THBS2: variants seen among roughly 807,000 people sequenced by gnomAD.
THBS2 encodes the protein thrombospondin 2.
In THBS2, 47 loss-of-function variants were observed where a neutral mutation model predicts 135.2. The ratio of observed to expected loss-of-function variants is 0.35; its 90% CI spans 0.28 to 0.44. The LOEUF (loss-of-function observed/expected upper bound fraction) is 0.44, where lower values mean the gene tolerates loss of function less well. Among genes scored for constraint, THBS2 ranks in the 20% least tolerant of loss-of-function variants. The probability of loss-of-function intolerance (pLI) is 1.00; values close to 1 mark genes in which losing one functional copy is unlikely to be tolerated. For missense variants in THBS2, 1,288 were observed against 1,603.1 expected, an observed-to-expected ratio of 0.80 and a Z score of 3.36; for synonymous variants, 639 against 633.8, an observed-to-expected ratio of 1.01 and a Z score of -0.12.
intron 9 of THBS2, among the ~76,000 whole-genome samples, chr6:169,236,079 A>C: frequency 1.2e-5 from 1 of 85,502 alleles, no homozygotes; most frequent in Admixed American, 1.2e-4. Flanking sequence ...CTCACCATCC[A>C]CACTCACTCC....
chr6:169,228,906 CAAAA>C (rs535971273), intron 14 of THBS2, among the ~76,000 whole-genome samples: 5 of 112,884 alleles, frequency 4.4e-5, no homozygotes, highest in South Asian at 2.7e-4. Context: ...CCTGAGCGAC[CAAAA>C]AAAAAAAAAA....
chr6:169,230,889 G>C (rs1779806796), intron 13 of THBS2, among the ~76,000 whole-genome samples: 1 of 152,118 alleles, frequency 6.6e-6, no homozygotes, highest in Non-Finnish European at 1.5e-5. Context: ...GGGACTGACA[G>C]AGAAAATTAA....
At position 169,237,528 on chromosome 6, in the gene THBS2, C is replaced by T. The variant is rs1029427171; in HGVS notation, c.1300+97G>A. 7 of 1,564,506 alleles carry T rather than the reference C, an allele frequency of 4.5e-6. No individual in the cohort carries two copies. The East Asian group carries it at 9.0e-5, about 20-fold the overall frequency. ...GAATCCTTGCAAAGGCCCAGCACCT[C>T]GTGAGGGCAGCTCTGTCCCTTGCAA... On this transcript the variant is annotated intron_variant, in intron 8 of 21. Coordinates refer to ENST00000617924, the MANE Select transcript of THBS2 (RefSeq NM_003247.5).
Position 169,217,754 on chromosome 6 carries a change from A to C in THBS2, c.*68T>G. 1 of 1,567,860 alleles carries C rather than the reference A, an allele frequency of 6.4e-7. No homozygotes were observed. The highest frequency in any genetic ancestry group is 8.7e-7 in the Non-Finnish European group (1 of 1,148,450). ...GCTAGAGAGAGAAGCCACAAGGACC[A>C]CAATGAACTGAGGTGTCTAGGGACC... On this transcript the variant is annotated 3_prime_UTR_variant, in exon 22 of 22. Transcript: ENST00000617924.
At position 169,232,064 on chromosome 6, in the gene THBS2, G is replaced by A. The variant is rs1401540009; in HGVS notation, c.2067C>T (p.Leu689=). 6.2e-7 allele frequency: 1 copy of A among 1,614,112 alleles called. No homozygotes were observed. Among genetic ancestry groups the A allele is most frequent in the Non-Finnish European group, 8.5e-7 (1 of 1,179,970 alleles). ...ECQTGYAGDG[L]ICGEDSDLDG... ...CCAGGTCCGAGTCCTCCCCGCAGAT[G>A]AGCCCGTCGCCCGCGTAGCCTGTCT... Residue 689 remains leucine, a synonymous_variant, in exon 13 of 22, where the codon CTC becomes CTT. Transcript: ENST00000617924.
intron 16 of THBS2, among the ~76,000 whole-genome samples, chr6:169,225,830 G>T (rs1466137692): frequency 6.6e-6 from 1 of 152,224 alleles, no homozygotes; most frequent in Non-Finnish European, 1.5e-5. Flanking sequence ...AATGGGGAGA[G>T]AATTCTGTGA....
rs966027526 is a variant in THBS2 at position 169,228,553 on chromosome 6, G to A, written c.2260-272C>T. On this transcript the variant is annotated intron_variant, in intron 14 of 21. Coordinates refer to ENST00000617924, the MANE Select transcript of THBS2 (RefSeq NM_003247.5). ...TCCCAGCACTATGGGAGGCTGAGGCGGGCGGATCACCTGAGGTCAGGAGTT... is the reference window on the plus strand; with the variant it reads ...TCCCAGCACTATGGGAGGCTGAGGCAGGCGGATCACCTGAGGTCAGGAGTT... Among the ~76,000 whole-genome samples the A allele has an allele frequency of 4.6e-5, 7 of 151,294 alleles. No individual in the cohort carries two copies. The South Asian group carries it at 8.4e-4, about 18-fold the overall frequency.
intron 15 of THBS2, 99 bp from the exon 16 acceptor site, chr6:169,226,397 C>T (rs751942700): frequency 4.8e-5 from 38 of 788,998 alleles, no homozygotes; most frequent in Non-Finnish European, 8.1e-5. Context: ...AAATTGCTTA[C>T]AGCCACACTT....
chr6:169,239,501 C>T, intron 7 of THBS2, 98 bp downstream of exon 7: 7 of 1,170,366 alleles, frequency 6.0e-6, no homozygotes, highest in Non-Finnish European at 8.5e-6. Flanking sequence ...GGGGCTGAAC[C>T]TCACTCTTCT....
rs1780721268 is a variant in THBS2 at position 169,250,662 on chromosome 6, T to C, written c.52+71A>G. Reference sequence around the variant, plus strand: ...TTGTCCAACCACACACTTTATTTTGTCATCTCTCCCCTTGCAGCTAAGCCA... The same window carrying C: ...TTGTCCAACCACACACTTTATTTTGCCATCTCTCCCCTTGCAGCTAAGCCA... On this transcript the variant is annotated intron_variant, in intron 2 of 21. Transcript: ENST00000617924. 3 of 1,413,660 alleles carry C rather than the reference T, an allele frequency of 2.1e-6. No homozygotes were observed. The Admixed American group carries it at 5.9e-5, about 28-fold the overall frequency. The allele number at this position is 1,413,660 out of a possible 1,614,324, so 87.6% of individuals were successfully genotyped here. A position where few individuals can be genotyped will look rare whatever the true frequency, so the allele number is the denominator to read the frequency against.
chr6:169,243,394 C>T (rs148342110), intron 4 of THBS2, among the ~76,000 whole-genome samples: 1 of 152,252 alleles, frequency 6.6e-6, no homozygotes, highest in African/African-American at 2.4e-5. Flanking sequence ...TCACCTCACC[C>T]CCATGTAGGA....
intron 17 of THBS2, among the ~76,000 whole-genome samples, chr6:169,224,251 G>A (rs1192959846): frequency 2.0e-5 from 3 of 152,268 alleles, no homozygotes; most frequent in African/African-American, 7.2e-5. Flanking sequence ...TTGGTATCAG[G>A]GCATTCTGAA....
In THBS2 at chr6:169,246,177, A is replaced by AT. The variant is rs1286327865; in HGVS notation, c.694+19dup. 2 of 1,609,604 alleles carry AT rather than the reference A, an allele frequency of 1.2e-6. No individual in the cohort carries two copies. The highest frequency in any genetic ancestry group is 2.7e-5 in the African/African-American group (2 of 74,896). Reference sequence around the variant, plus strand: ...CCATCCAAGCCAGTATATAAAATGCATTTTTCACAACACACCTACCTCCCT... The same window carrying AT: ...CCATCCAAGCCAGTATATAAAATGCATTTTTTCACAACACACCTACCTCCCT... On this transcript the variant is annotated intron_variant, in intron 4 of 21. Coordinates refer to ENST00000617924, the MANE Select transcript of THBS2 (RefSeq NM_003247.5).
chr6:169,233,235 C>G (rs1779914166), intron 10 of THBS2, among the ~76,000 whole-genome samples: 1 of 152,088 alleles, frequency 6.6e-6, no homozygotes, highest in South Asian at 2.1e-4. Flanking sequence ...AGCACGTGTA[C>G]ATTATGACTA....
intron 21 of THBS2, chr6:169,219,695 T>C: frequency 2.1e-6 from 1 of 472,534 alleles, no homozygotes; most frequent in South Asian, 1.6e-5. Flanking sequence ...TGAGCCTTAT[T>C]TACTGCATCT....
chr6:169,240,083 T>A (rs1380740346), intron 6 of THBS2, among the ~76,000 whole-genome samples: 1 of 152,232 alleles, frequency 6.6e-6, no homozygotes, highest in Non-Finnish European at 1.5e-5. Flanking sequence ...CTGTAAGACT[T>A]CAGGCAGTGG....
chr6:169,242,311 G>C (rs2115019226), intron 4 of THBS2, among the ~76,000 whole-genome samples: 2 of 152,142 alleles, frequency 1.3e-5, no homozygotes, highest in South Asian at 4.2e-4. Flanking sequence ...AGCACCAGTG[G>C]CCACGCATGT....
intron 4 of THBS2, among the ~76,000 whole-genome samples, chr6:169,245,598 T>G (rs144190188): frequency 6.6e-6 from 1 of 151,926 alleles, no homozygotes; most frequent in Non-Finnish European, 1.5e-5. Context: ...CGAGACCATC[T>G]TGGCTAACAC....
Position 169,241,843 on chromosome 6 carries a change from G to A in THBS2, c.810C>T (p.Cys270=), listed in dbSNP as rs770148673. The A allele has an allele frequency of 1.6e-5, 25 of 1,612,530 alleles. No homozygotes were observed. The highest frequency in any genetic ancestry group is 4.4e-5 in the South Asian group (4 of 91,078). ...ERRPEVCERS[C]EELGNMVQEL... ...CCTGGACCATGTTTCCCAGCTCCTC[G>A]CACGAGCGTTCGCACACCTCGGGCC... Residue 270 remains cysteine, a synonymous_variant, in exon 5 of 22, where the codon TGC becomes TGT. Coordinates refer to ENST00000617924, the MANE Select transcript of THBS2 (RefSeq NM_003247.5). This position sits in a 1 kb window ranked among gnomAD's most constrained non-coding sequence, Gnocchi z 5.5.
Sources: gnomAD v4.1 joint callset for allele counts (sites outside exome capture counted in the v4.1 genomes callset) on GRCh38, gnomAD v4.1.1 for gene constraint, Gnocchi (gnomAD v3.1) non-coding constraint, MANE v1.5 for transcripts, NCBI Gene and HGNC (gene_info 2026-07-23, HGNC 2026-07-21) for gene names.